GAK: variants seen among roughly 807,000 people sequenced by gnomAD.
The protein encoded by GAK is cyclin-G-associated kinase.
A neutral mutation model predicts 143.9 loss-of-function variants in GAK; 79 were observed. That is an observed-to-expected ratio of 0.55 (90% CI 0.46 to 0.66). The LOEUF (loss-of-function observed/expected upper bound fraction) is 0.66, where lower values mean the gene tolerates loss of function less well. GAK is among the 30% of genes least tolerant of loss of function. The probability of loss-of-function intolerance (pLI) is 0.00; values close to 1 mark genes in which losing one functional copy is unlikely to be tolerated. For synonymous variants in GAK, 881 were observed against 765.5 expected, an observed-to-expected ratio of 1.15 and a Z score of -2.49; for missense variants, 1,693 against 1,779.7, an observed-to-expected ratio of 0.95 and a Z score of 0.88.
chr4:884,188 C>T (rs1715771652), intron 11 of GAK, 102 bp from the exon 12 acceptor site: 1 of 1,017,144 alleles, frequency 9.8e-7, no homozygotes, highest in Admixed American at 2.0e-5. Flanking sequence ...CCGTGGGGCT[C>T]TCACTGTAGA....
At chr4:907,435 C>T (rs1459152314) in intron 4 of GAK, among the ~76,000 whole-genome samples, 2 of 152,230 alleles carry the variant, frequency 1.3e-5, no homozygotes, top group Non-Finnish European at 2.9e-5. Flanking sequence ...GGAACAGACC[C>T]GGGAGAGGCT....
chr4:910,750 C>A (rs1371338610), intron 4 of GAK, among the ~76,000 whole-genome samples: 1 of 111,526 alleles, frequency 9.0e-6, no homozygotes, highest in Non-Finnish European at 2.0e-5. Flanking sequence ...CTCTCCCTGC[C>A]TGGGGGACAG....
chr4:875,957 C>T (rs1031850223), intron 18 of GAK, among the ~76,000 whole-genome samples: 1 of 152,212 alleles, frequency 6.6e-6, no homozygotes, highest in African/African-American at 2.4e-5. Flanking sequence ...AAAGACAGAC[C>T]TCCAGTTAGA....
intron 19 of GAK, 64 bp from the exon 20 acceptor site, chr4:868,749 C>T: frequency 6.7e-7 from 1 of 1,503,068 alleles, no homozygotes; most frequent in East Asian, 2.5e-5. Context: ...AACACTGACC[C>T]CAGAGCTGGG....
Position 911,072 on chromosome 4 carries a change from C to T in GAK, c.382+601G>A, listed in dbSNP as rs112827807. Among the ~76,000 whole-genome samples, 47 of 152,212 alleles carry T rather than the reference C, an allele frequency of 3.1e-4. 2 individuals carry two copies. Among genetic ancestry groups the T allele is most frequent in the African/African-American group, 1.1e-3 (44 of 41,530 alleles). The stretch of plus-strand genomic sequence containing the variant: ...CTAGAACTCTCCGAAAGCACCACCC[C>T]AACCCACCGGCCTCTCTTCCTGTCC... On this transcript the variant is annotated intron_variant, in intron 4 of 27. Transcript: ENST00000314167.
intron 27 of GAK, 56 bp from the exon 28 acceptor site, chr4:849,830 C>CCGGTGGGGG: frequency 1.7e-6 from 2 of 1,172,356 alleles, no homozygotes; most frequent in Non-Finnish European, 2.4e-6. Flanking sequence ...GCGGGCGGGG[C>CCGGTGGGGG]AGGACCCCCC....
chr4:922,211 C>T (rs1724023673), intron 1 of GAK, among the ~76,000 whole-genome samples: 1 of 152,068 alleles, frequency 6.6e-6, no homozygotes, highest in Non-Finnish European at 1.5e-5. Context: ...TGTCAGCATC[C>T]CCTCAGCAAA....
At chr4:876,371 C>A (rs750546423) in intron 18 of GAK, among the ~76,000 whole-genome samples, 159 bp downstream of exon 18, 3 of 152,234 alleles carry the variant, frequency 2.0e-5, no homozygotes, top group African/African-American at 7.2e-5. Context: ...AGCCTACACA[C>A]GCGCAGCTCC....
chr4:881,118 C>T (rs1715012738), intron 15 of GAK, among the ~76,000 whole-genome samples: 3 of 152,316 alleles, frequency 2.0e-5, no homozygotes, highest in East Asian at 1.9e-4. Flanking sequence ...ACCCTCGCCC[C>T]GTCCACAGGC....
intron 5 of GAK, among the ~76,000 whole-genome samples, chr4:903,543 T>C (rs1395304352): frequency 6.9e-6 from 1 of 144,920 alleles, no homozygotes; most frequent in East Asian, 2.3e-4. Flanking sequence ...GAAGGGGCAC[T>C]GGGTGAGCAG....
intron 12 of GAK, 151 bp downstream of exon 12, chr4:883,886 G>T: frequency 1.4e-6 from 1 of 707,698 alleles, no homozygotes; most frequent in Non-Finnish European, 2.3e-6. Flanking sequence ...CAGGCCGCCT[G>T]CCTGCCAAGG....
At chr4:873,670 G>C (rs920289257) in intron 18 of GAK, among the ~76,000 whole-genome samples, 5 of 152,044 alleles carry the variant, frequency 3.3e-5, no homozygotes, top group Non-Finnish European at 7.4e-5. Context: ...CTCCTGCCTT[G>C]GTCTATCCCA....
chr4:874,745 A>G (rs1249987708), intron 18 of GAK, among the ~76,000 whole-genome samples: 1 of 151,346 alleles, frequency 6.6e-6, no homozygotes, highest in Non-Finnish European at 1.5e-5. Flanking sequence ...TCAGTTTAGG[A>G]AAATTTTTGG....
intron 24 of GAK, among the ~76,000 whole-genome samples, chr4:857,607 C>T (rs780044853): frequency 2.2e-4 from 33 of 152,168 alleles, no homozygotes; most frequent in Non-Finnish European, 4.1e-4. Flanking sequence ...CGCCTGCACC[C>T]GTGACCCTCG....
Position 867,294 on chromosome 4 carries a change from G to C in GAK, c.2534C>G (p.Ala845Gly), listed in dbSNP as rs578153347. 7.4e-6 allele frequency: 12 copies of C among 1,612,466 alleles called. No homozygotes were observed. The highest frequency in any genetic ancestry group is 1.3e-5 in the African/African-American group (1 of 75,040). ...TGCCAGGCCGGGGGGCTCTGGGTCG[G>C]CCCTGGGTTCCTGGCCCTCGCTGGA... ...PISSEGQEPRADPEPPGLAAG... is the reference protein window; with the variant it reads ...PISSEGQEPRGDPEPPGLAAG... Residue 845 changes from alanine to glycine, a missense_variant, in exon 21 of 28, where the codon GCC (alanine) becomes GGC (glycine). Coordinates refer to ENST00000314167, the MANE Select transcript of GAK (RefSeq NM_005255.4).
At chr4:859,150 C>A (rs532590876) in intron 24 of GAK, 1 of 983,752 alleles carries the variant, frequency 1.0e-6, no homozygotes, top group South Asian at 4.7e-5. Context: ...CTGAGGCAGA[C>A]GTGGGACCGG....
At chr4:889,596 T>C (rs1033425989) in intron 10 of GAK, among the ~76,000 whole-genome samples, 1 of 152,174 alleles carries the variant, frequency 6.6e-6, no homozygotes, top group Non-Finnish European at 1.5e-5. Flanking sequence ...TACACCTGCA[T>C]GTGTGGGACC....
chr4:929,382 G>C (rs1323429703), intron 1 of GAK, among the ~76,000 whole-genome samples: 1 of 152,180 alleles, frequency 6.6e-6, no homozygotes, highest in Non-Finnish European at 1.5e-5. Flanking sequence ...TATCTCACTA[G>C]CAGTAACCCC....
At chr4:885,700 C>G (rs1716189340) in intron 11 of GAK, 1 of 152,198 alleles carries the variant, frequency 6.6e-6, no homozygotes, top group Non-Finnish European at 1.5e-5. Context: ...CATGGCCACC[C>G]AGGTCCTGAC....
Sources: gnomAD v4.1 joint callset for allele counts (sites outside exome capture counted in the v4.1 genomes callset) on GRCh38, gnomAD v4.1.1 for gene constraint, MANE v1.5 for transcripts, NCBI Gene and HGNC (gene_info 2026-07-23, HGNC 2026-07-21) for gene names.